Variants in MECOM observed in about 807,000 individuals in gnomAD.
MECOM encodes MDS1 and EVI1 complex locus, also known as histone-lysine N-methyltransferase MECOM.
MECOM carries 13 observed loss-of-function variants against 116.3 expected under a neutral mutation model. That is an observed-to-expected ratio of 0.11 (90% CI 0.07 to 0.18). The LOEUF (loss-of-function observed/expected upper bound fraction) is 0.18. Among genes scored for constraint, MECOM ranks in the 10% least tolerant of loss-of-function variants. The pLI, the probability that MECOM is intolerant of heterozygous loss-of-function variation, is 1.00. For synonymous variants in MECOM, 528 were observed against 535.2 expected (o/e 0.99, Z 0.19); for missense variants, 1,299 against 1,509.0 (o/e 0.86, Z 2.31).
intron 1 of MECOM, among the ~76,000 whole-genome samples, chr3:169,580,817 T>C (rs1390704621): frequency 6.6e-6 from 1 of 152,244 alleles, no homozygotes; most frequent in East Asian, 1.9e-4. Flanking sequence ...TGAGATTTCC[T>C]GTTGTTAAAT....
Position 169,663,478 on chromosome 3 carries a change from C to T in MECOM, c.-106G>A, listed in dbSNP as rs1776595576. ...CGCTCCCTCCCTCTCTCTCCTGTCT[C>T]TCTCTCTCTCTCTCTCTCTCTCTCT... On this transcript the variant is annotated 5_prime_UTR_variant, in exon 1 of 17. Coordinates refer to ENST00000651503, the MANE Select transcript of MECOM (RefSeq NM_004991.4). 3 of 23,644 alleles carry T rather than the reference C, an allele frequency of 1.3e-4. No homozygotes were observed. Among genetic ancestry groups the T allele is most frequent in the South Asian group, 4.1e-4 (1 of 2,438 alleles). 1.5% of individuals were successfully genotyped at this position (23,644 alleles called of 1,614,324 possible).
At chr3:169,180,944 A>C (rs6444845) in intron 2 of MECOM, among the ~76,000 whole-genome samples, 63,484 of 150,616 alleles carry the variant, frequency 0.42, 15,359 homozygotes, top group African/African-American at 0.67. Flanking sequence ...AGGCAAGCAA[A>C]CTTAAATTAT....
At chr3:169,307,997 C>G (rs1420250309) in intron 2 of MECOM, among the ~76,000 whole-genome samples, 1 of 152,128 alleles carries the variant, frequency 6.6e-6, no homozygotes, top group African/African-American at 2.4e-5. Context: ...AAGTATTTAC[C>G]CACACTATTT....
Position 169,083,613 on chromosome 3 carries a change from C to T in MECOM, c.*1296G>A, listed in dbSNP as rs1716841410. The T allele has an allele frequency of 5.1e-6, 1 of 194,596 alleles. No homozygotes were observed. The highest frequency in any genetic ancestry group is 1.1e-5 in the Non-Finnish European group (1 of 93,178). The allele number at this position is 194,596 out of a possible 1,614,324, so 12.1% of individuals were successfully genotyped here. On this transcript the variant is annotated 3_prime_UTR_variant, in exon 17 of 17. Coordinates refer to ENST00000651503, the MANE Select transcript of MECOM (RefSeq NM_004991.4). Reference sequence around the variant, plus strand: ...CATTTGAAGAAAGTACCTCAACTTGCTGATTATTTCAAAATGAGATTACAA... The same window carrying T: ...CATTTGAAGAAAGTACCTCAACTTGTTGATTATTTCAAAATGAGATTACAA...
intron 1 of MECOM, among the ~76,000 whole-genome samples, chr3:169,459,035 T>C (rs891455909): frequency 6.6e-6 from 1 of 152,052 alleles, no homozygotes; most frequent in South Asian, 2.1e-4. Flanking sequence ...GGAGTACATA[T>C]CCAAAATGGC....
intron 1 of MECOM, among the ~76,000 whole-genome samples, chr3:169,618,673 A>G (rs1770319596): frequency 6.6e-6 from 1 of 152,192 alleles, no homozygotes; most frequent in South Asian, 2.1e-4. Flanking sequence ...AATAGAAAAA[A>G]TAAAATACAG....
chr3:169,537,699 G>C (rs991798732), intron 1 of MECOM, among the ~76,000 whole-genome samples: 3 of 146,214 alleles, frequency 2.1e-5, no homozygotes, highest in African/African-American at 7.6e-5. Context: ...TACTGATATA[G>C]TACATGCAGC....
In MECOM at chr3:169,122,635, C is replaced by A. The variant is rs147788700; in HGVS notation, c.923G>T (p.Arg308Leu). 1 of 1,613,948 alleles carries A rather than the reference C, an allele frequency of 6.2e-7. No homozygotes were observed. Among genetic ancestry groups the A allele is most frequent in the South Asian group, 1.1e-5 (1 of 91,072 alleles). The change falls in exon 6 of 17, where the codon CGC becomes CTC. Residue 308 changes from arginine (R) to leucine (L), a missense_variant. Around this residue, in one of 6 missense-constraint regions of MECOM, gnomAD observed 374 missense variants for 433.4 expected, o/e 0.86. Transcript: ENST00000651503. ...KAFNWKSNLI[R>L]HQMSHDSGKH... ...TCCACTGTCATGTGACATCTGGTGG[C>A]GAATTAAATTGGACTTCCAGTTAAA...
intron 11 of MECOM, 144 bp downstream of exon 11, chr3:169,101,916 T>C: frequency 3.0e-6 from 2 of 657,512 alleles, no homozygotes; most frequent in East Asian, 3.0e-5. Flanking sequence ...TTTCACTAAA[T>C]GAAGAACACT....
At chr3:169,412,243 G>A (rs1231863098) in intron 1 of MECOM, among the ~76,000 whole-genome samples, 7 of 145,974 alleles carry the variant, frequency 4.8e-5, no homozygotes, top group East Asian at 2.0e-4. Flanking sequence ...CCAAGATTGC[G>A]CCACTGCACT....
At chr3:169,441,089 A>G (rs1402379814) in intron 1 of MECOM, among the ~76,000 whole-genome samples, 1 of 152,174 alleles carries the variant, frequency 6.6e-6, no homozygotes, top group East Asian at 1.9e-4. Flanking sequence ...ATAATCCTGG[A>G]CATTGCTCTG....
intron 2 of MECOM, among the ~76,000 whole-genome samples, chr3:169,223,757 TAAC>T (rs1279473940): frequency 6.6e-6 from 1 of 152,198 alleles, no homozygotes; most frequent in Non-Finnish European, 1.5e-5. Flanking sequence ...CCACTTGATT[TAAC>T]AGTATGTACA....
intron 2 of MECOM, among the ~76,000 whole-genome samples, chr3:169,155,308 A>G (rs1741786846): frequency 1.3e-5 from 2 of 152,170 alleles, no homozygotes; most frequent in Middle Eastern, 6.8e-3. Flanking sequence ...GCCTTACCCC[A>G]TGTTTCCATT....
At chr3:169,559,694 G>A (rs1461898869) in intron 1 of MECOM, among the ~76,000 whole-genome samples, 1 of 152,102 alleles carries the variant, frequency 6.6e-6, no homozygotes, top group African/African-American at 2.4e-5. Context: ...TTATAGACTA[G>A]GAATTTAAGT....
chr3:169,117,491 T>C (rs1729545754), intron 7 of MECOM, among the ~76,000 whole-genome samples: 1 of 152,230 alleles, frequency 6.6e-6, no homozygotes, highest in Admixed American at 6.5e-5. Flanking sequence ...GTCCTCTGAC[T>C]TCCCCTCACA....
At chr3:169,185,595 T>C (rs945010928) in intron 2 of MECOM, among the ~76,000 whole-genome samples, 3 of 152,176 alleles carry the variant, frequency 2.0e-5, no homozygotes, top group Non-Finnish European at 2.9e-5. Flanking sequence ...GATATGGTAC[T>C]TATCTTTAAA....
intron 1 of MECOM, among the ~76,000 whole-genome samples, chr3:169,422,887 T>C (rs1183957463): frequency 2.0e-5 from 3 of 152,022 alleles, no homozygotes; most frequent in African/African-American, 7.2e-5. Flanking sequence ...ACTACCAATT[T>C]TGTGGAGCTT....
intron 3 of MECOM, among the ~76,000 whole-genome samples, chr3:169,138,846 G>A (rs1737195256): frequency 6.6e-6 from 1 of 152,052 alleles, no homozygotes; most frequent in South Asian, 2.1e-4. Context: ...CAGGAAAGTG[G>A]ATTTTTTTTC....
intron 1 of MECOM, among the ~76,000 whole-genome samples, chr3:169,604,714 C>T (rs781774170): frequency 6.6e-6 from 1 of 152,002 alleles, no homozygotes; most frequent in Non-Finnish European, 1.5e-5. Flanking sequence ...CTGAAAGGGC[C>T]CCAAAACATC....
Sources: allele counts gnomAD v4.1 joint callset (sites outside exome capture counted in the v4.1 genomes callset), GRCh38; gene constraint gnomAD v4.1.1; regional missense constraint gnomAD v4.1.1; transcripts MANE v1.5; gene names NCBI Gene and HGNC (gene_info 2026-07-23, HGNC 2026-07-21).